Variants in KCNJ6 observed in about 807,000 individuals in gnomAD.
The protein encoded by KCNJ6 is potassium inwardly rectifying channel subfamily J member 6, also known as G protein-activated inward rectifier potassium channel 2.
Under a neutral mutation model 34.2 loss-of-function variants are expected in KCNJ6, and 9 were observed. That is an observed-to-expected ratio of 0.26 (90% CI 0.16 to 0.46). The LOEUF is 0.46. Among genes scored for constraint, KCNJ6 ranks in the 20% least tolerant of loss-of-function variants. KCNJ6 has a pLI of 1.00. For synonymous variants in KCNJ6, 196 were observed against 207.1 expected (o/e 0.95, Z 0.46); for missense variants, 236 against 531.3 (o/e 0.44, Z 5.46).
intron 2 of KCNJ6, among the ~76,000 whole-genome samples, chr21:37,774,759 T>G (rs986081852): frequency 5.3e-4 from 81 of 152,342 alleles, no homozygotes; most frequent in Non-Finnish European, 1.0e-3. Context: ...TTGATGGACA[T>G]TTGGGTTGGT....
At chr21:37,773,648 C>T (rs373432624) in intron 2 of KCNJ6, among the ~76,000 whole-genome samples, 2 of 152,198 alleles carry the variant, frequency 1.3e-5, no homozygotes, top group East Asian at 1.9e-4. Flanking sequence ...ACATGTTGCA[C>T]GTTAAATTCA....
intron 3 of KCNJ6, among the ~76,000 whole-genome samples, chr21:37,687,271 A>G (rs1027932578): frequency 6.6e-5 from 10 of 152,146 alleles, no homozygotes; most frequent in Non-Finnish European, 1.5e-4. Flanking sequence ...AGGCCGCAGG[A>G]TGAGTGCTCC....
At chr21:37,632,367 G>C (rs73410068) in intron 3 of KCNJ6, among the ~76,000 whole-genome samples, 1,953 of 151,774 alleles carry the variant, frequency 0.013, 46 homozygotes, top group African/African-American at 0.045. Context: ...AAATTAAAGG[G>C]CATATAGAAA....
At chr21:37,806,150 G>A (rs1417339793) in intron 2 of KCNJ6, among the ~76,000 whole-genome samples, 1 of 152,184 alleles carries the variant, frequency 6.6e-6, no homozygotes, top group East Asian at 1.9e-4. Flanking sequence ...CCAGCAACTG[G>A]CTGATAAAAA....
intron 2 of KCNJ6, among the ~76,000 whole-genome samples, chr21:37,766,889 G>A (rs1382620594): frequency 6.6e-6 from 1 of 152,146 alleles, no homozygotes; most frequent in Admixed American, 6.5e-5. Context: ...CTGCACCTGC[G>A]AGAGATCTAG....
rs545167303 is a variant in KCNJ6 at position 37,671,493 on chromosome 21, GTA to G, written c.946+42716_946+42717del. Among the ~76,000 whole-genome samples, 353 of 152,360 alleles carry G rather than the reference GTA, an allele frequency of 2.3e-3. 1 individual carries two copies. The highest frequency in any genetic ancestry group is 4.0e-3 in the Non-Finnish European group (270 of 68,032). On this transcript the variant is annotated intron_variant, in intron 3 of 3. Transcript: ENST00000609713. ...TATCCTTTATAATAAATGGGTAGGT[GTA>G]AGTAGAGTGGTTCCCTGAGTTCTGT...
chr21:37,705,777 A>G (rs1265062301), intron 3 of KCNJ6, among the ~76,000 whole-genome samples: 1 of 152,232 alleles, frequency 6.6e-6, no homozygotes, highest in Non-Finnish European at 1.5e-5. Flanking sequence ...CTAGAGGAGA[A>G]GTTCTGCAAA....
intron 3 of KCNJ6, among the ~76,000 whole-genome samples, chr21:37,713,359 A>T (rs1379966364): frequency 6.6e-6 from 1 of 152,126 alleles, no homozygotes; most frequent in Non-Finnish European, 1.5e-5. Context: ...TTAATGAATT[A>T]GGGTTCTGGT....
intron 2 of KCNJ6, among the ~76,000 whole-genome samples, chr21:37,722,396 T>C (rs1371351136): frequency 1.3e-5 from 2 of 152,354 alleles, no homozygotes; most frequent in East Asian, 1.9e-4. Context: ...ATGCTATTCC[T>C]ATGAAACTAC....
At chr21:37,787,731 C>T (rs2835957) in intron 2 of KCNJ6, among the ~76,000 whole-genome samples, 86,920 of 152,018 alleles carry the variant, frequency 0.57, 26,746 homozygotes, top group African/African-American at 0.81. Flanking sequence ...TTTGAAAGCA[C>T]AAGGGAATGG....
intron 2 of KCNJ6, among the ~76,000 whole-genome samples, chr21:37,728,093 C>T (rs1183078367): frequency 6.6e-6 from 1 of 152,214 alleles, no homozygotes; most frequent in East Asian, 1.9e-4. Context: ...AAAATGTGTT[C>T]TATCCATACA....
chr21:37,751,551 G>A (rs1392866036), intron 2 of KCNJ6, among the ~76,000 whole-genome samples: 1 of 152,252 alleles, frequency 6.6e-6, no homozygotes, highest in Non-Finnish European at 1.5e-5. Flanking sequence ...GCTGAGGCAT[G>A]AGAAGTATGA....
At chr21:37,738,978 C>T (rs889154561) in intron 2 of KCNJ6, among the ~76,000 whole-genome samples, 1 of 152,170 alleles carries the variant, frequency 6.6e-6, no homozygotes, top group African/African-American at 2.4e-5. Context: ...AATCCTGTGT[C>T]AGTCACCAGA....
intron 1 of KCNJ6, among the ~76,000 whole-genome samples, chr21:37,856,022 G>T (rs74564365): frequency 0.021 from 3,186 of 152,268 alleles, 101 homozygotes; most frequent in African/African-American, 0.073. Flanking sequence ...CTCAAGGCAA[G>T]AATTCTTTCC....
At chr21:37,635,925 A>T (rs1252459258) in intron 3 of KCNJ6, among the ~76,000 whole-genome samples, 2 of 152,300 alleles carry the variant, frequency 1.3e-5, no homozygotes, top group East Asian at 1.9e-4. Context: ...TTTGTTGGAA[A>T]TTTTTTGTAT....
chr21:37,837,340 C>T (rs930887070), intron 2 of KCNJ6, among the ~76,000 whole-genome samples: 7 of 152,230 alleles, frequency 4.6e-5, no homozygotes, highest in African/African-American at 1.2e-4. Context: ...TTTATTCAAA[C>T]ATTTAAAATT....
chr21:37,682,592 G>A (rs946481337), intron 3 of KCNJ6, among the ~76,000 whole-genome samples: 1 of 152,032 alleles, frequency 6.6e-6, no homozygotes, highest in East Asian at 1.9e-4. Context: ...GGATTTAGGG[G>A]CCACCAGGAT....
chr21:37,908,157 A>G (rs1427593027), intron 1 of KCNJ6, among the ~76,000 whole-genome samples: 1 of 152,244 alleles, frequency 6.6e-6, no homozygotes, highest in Non-Finnish European at 1.5e-5. Flanking sequence ...GAAACGATGT[A>G]AGAGAACCGG....
intron 1 of KCNJ6, among the ~76,000 whole-genome samples, chr21:37,867,042 C>T (rs191454578): frequency 3.3e-5 from 5 of 152,292 alleles, no homozygotes; most frequent in African/African-American, 1.2e-4. Flanking sequence ...TAGGTGGATG[C>T]TCAAATAATA....
Sources: allele counts gnomAD v4.1 joint callset (sites outside exome capture counted in the v4.1 genomes callset), GRCh38; gene constraint gnomAD v4.1.1; transcripts MANE v1.5; gene names NCBI Gene and HGNC (gene_info 2026-07-23, HGNC 2026-07-21).